Variants in TAFA1 observed in about 807,000 individuals in gnomAD.
TAFA1 encodes chemokine-like protein TAFA-1.
In TAFA1, 4 loss-of-function variants were observed where a neutral mutation model predicts 18.5. That is an observed-to-expected ratio of 0.22 (90% CI 0.11 to 0.49). TAFA1 has a LOEUF of 0.49. Among genes scored for constraint, TAFA1 ranks in the 20% least tolerant of loss-of-function variants. The pLI is 0.98. For missense variants in TAFA1, 147 were observed against 169.0 expected (o/e 0.87, Z 0.72); for synonymous variants, 56 against 55.2 (o/e 1.01, Z -0.06).
At chr3:68,000,994 C>T (rs895542038), upstream of TAFA1, among the ~76,000 whole-genome samples, 40 of 151,722 alleles carry the variant, frequency 2.6e-4, no homozygotes, top group African/African-American at 9.4e-4. Context: ...TTTTGTAAAC[C>T]AAAAAAACAT....
intron 3 of TAFA1, among the ~76,000 whole-genome samples, chr3:68,519,140 A>T (rs1461387723): frequency 6.6e-6 from 1 of 152,202 alleles, no homozygotes; most frequent in Non-Finnish European, 1.5e-5. Flanking sequence ...CTCAATTCGT[A>T]TGTTAAAACC....
intron 2 of TAFA1, among the ~76,000 whole-genome samples, chr3:68,248,317 A>G (rs1266333282): frequency 6.6e-6 from 1 of 152,244 alleles, no homozygotes; most frequent in African/African-American, 2.4e-5. Flanking sequence ...TGGTTAATAC[A>G]AAACCTTAAC....
At chr3:68,269,756 A>AT (rs1214029577) in intron 2 of TAFA1, among the ~76,000 whole-genome samples, 1 of 152,196 alleles carries the variant, frequency 6.6e-6, no homozygotes, top group Non-Finnish European at 1.5e-5. Context: ...ACCCTATTTA[A>AT]TTTTTTAAGA....
chr3:68,121,367 A>G (rs937095311), intron 2 of TAFA1, among the ~76,000 whole-genome samples: 3 of 152,142 alleles, frequency 2.0e-5, no homozygotes, highest in Non-Finnish European at 4.4e-5. Context: ...TTTAAATGAT[A>G]GAGAGAAAAT....
chr3:68,514,058 A>G (rs4855488), intron 3 of TAFA1, among the ~76,000 whole-genome samples: 49,014 of 151,890 alleles, frequency 0.32, 8,564 homozygotes, highest in East Asian at 0.72. Context: ...CTGACTTTAC[A>G]TGGCAAAAGG....
rs77024260 is a variant in TAFA1, at chr3:68,329,433, G to C, written c.119-87847G>C. On this transcript the variant is annotated intron_variant, in intron 2 of 4. Transcript: ENST00000478136. ...TATGTTTCCAAAGACTGCCCCTCAA[G>C]GATAATCTGTGCCAGCATATCTATT... Among the ~76,000 whole-genome samples, 275 of 151,882 alleles carry C rather than the reference G, an allele frequency of 1.8e-3. 6 individuals carry two copies. In the East Asian group the frequency reaches 0.042, roughly 23 times the overall value.
At chr3:68,477,154 C>T (rs963206216) in intron 3 of TAFA1, among the ~76,000 whole-genome samples, 4 of 151,880 alleles carry the variant, frequency 2.6e-5, no homozygotes, top group African/African-American at 7.3e-5. Flanking sequence ...AATTATACAA[C>T]ACAATTATAT....
At chr3:68,334,060 A>G (rs996617778) in intron 2 of TAFA1, among the ~76,000 whole-genome samples, 1 of 152,194 alleles carries the variant, frequency 6.6e-6, no homozygotes, top group Non-Finnish European at 1.5e-5. Flanking sequence ...AAGATGAAAA[A>G]GTTCAGGAGG....
chr3:68,207,173 A>G (rs2066538517), intron 2 of TAFA1, among the ~76,000 whole-genome samples: 1 of 151,894 alleles, frequency 6.6e-6, no homozygotes, highest in South Asian at 2.1e-4. Flanking sequence ...CAAAAAATGG[A>G]GATACTGCTT....
intron 2 of TAFA1, among the ~76,000 whole-genome samples, chr3:68,170,451 C>G (rs529197498): frequency 6.6e-6 from 1 of 152,264 alleles, no homozygotes; most frequent in African/African-American, 2.4e-5. Context: ...CTTTCTGAGG[C>G]AGCTGTACAA....
chr3:68,443,889 A>G (rs990825230), intron 3 of TAFA1, among the ~76,000 whole-genome samples: 6 of 152,180 alleles, frequency 3.9e-5, no homozygotes, highest in Non-Finnish European at 7.3e-5. Context: ...TACAAAACAC[A>G]TAGGTGTTGT....
At chr3:67,993,007 T>C in the TAFA1 span, among the ~76,000 whole-genome samples, 1 of 152,212 alleles carries the variant, frequency 6.6e-6, no homozygotes, top group Non-Finnish European at 1.5e-5. Context: ...GAATGGTCTG[T>C]GATTGAGGAA....
At chr3:68,375,469 G>A (rs2069791319) in intron 2 of TAFA1, among the ~76,000 whole-genome samples, 3 of 152,176 alleles carry the variant, frequency 2.0e-5, no homozygotes, top group Admixed American at 2.0e-4. Context: ...AAAGAATGGA[G>A]ATGAATCAGA....
intron 2 of TAFA1, among the ~76,000 whole-genome samples, chr3:68,238,063 T>G (rs2066951396): frequency 6.6e-6 from 1 of 152,044 alleles, no homozygotes; most frequent in South Asian, 2.1e-4. Flanking sequence ...TACTGAAACC[T>G]AACGTTCACT....
intron 2 of TAFA1, among the ~76,000 whole-genome samples, chr3:68,176,068 G>A (rs1271218289): frequency 6.6e-6 from 1 of 152,166 alleles, no homozygotes; most frequent in Non-Finnish European, 1.5e-5. Flanking sequence ...TTTCCCTTCT[G>A]CCATGATTGT....
At chr3:68,415,312 C>T (rs1344136820) in intron 2 of TAFA1, among the ~76,000 whole-genome samples, 2 of 152,206 alleles carry the variant, frequency 1.3e-5, no homozygotes, top group East Asian at 1.9e-4. Flanking sequence ...AAGTGACAAC[C>T]TTGACCCCAG....
intron 3 of TAFA1, among the ~76,000 whole-genome samples, chr3:68,500,381 C>A (rs536598356): frequency 6.6e-6 from 1 of 152,190 alleles, no homozygotes; most frequent in South Asian, 2.1e-4. Flanking sequence ...AGCCCAAATT[C>A]TTTGTTTTTA....
chr3:68,141,911 C>T (rs146009991), intron 2 of TAFA1, among the ~76,000 whole-genome samples: 29 of 152,290 alleles, frequency 1.9e-4, no homozygotes, highest in South Asian at 8.3e-4. Flanking sequence ...TGAAAAGAAC[C>T]AGTTCAGCAA....
At chr3:68,188,047 A>G (rs906250315) in intron 2 of TAFA1, among the ~76,000 whole-genome samples, 9 of 152,002 alleles carry the variant, frequency 5.9e-5, no homozygotes, top group East Asian at 1.9e-4. Flanking sequence ...GTTATTTTAT[A>G]TTCTGAATAT....
Sources: gnomAD v4.1 joint callset for allele counts (sites outside exome capture counted in the v4.1 genomes callset) on GRCh38, gnomAD v4.1.1 for gene constraint, MANE v1.5 for transcripts, NCBI Gene and HGNC (gene_info 2026-07-23, HGNC 2026-07-21) for gene names.